Variants in DCC observed in about 807,000 individuals in gnomAD.
The protein encoded by DCC is DCC netrin 1 receptor.
Under a neutral mutation model 172.5 loss-of-function variants are expected in DCC, and 58 were observed. The ratio of observed to expected loss-of-function variants is 0.34; its 90% confidence interval spans 0.27 to 0.42. The LOEUF (loss-of-function observed/expected upper bound fraction) is 0.42. DCC is among the 10% of genes least tolerant of loss of function. The pLI, the probability that DCC is intolerant of heterozygous loss-of-function variation, is 1.00. For synonymous variants in DCC, 709 were observed against 644.5 expected (o/e 1.10, Z -1.52); for missense variants, 1,740 against 1,791.0 (o/e 0.97, Z 0.51).
intron 7 of DCC, among the ~76,000 whole-genome samples, chr18:53,101,105 T>C (rs2144217899): frequency 6.6e-6 from 1 of 152,224 alleles, no homozygotes; most frequent in Non-Finnish European, 1.5e-5. Flanking sequence ...ATGTGAGATA[T>C]AGCATAACAA....
chr18:52,778,364 A>G (rs2037472108), intron 2 of DCC, among the ~76,000 whole-genome samples: 1 of 152,116 alleles, frequency 6.6e-6, no homozygotes, highest in Non-Finnish European at 1.5e-5. Flanking sequence ...TAATAAATAG[A>G]ATTTTTTAAT....
chr18:53,281,933 G>A (rs904414038), intron 12 of DCC, among the ~76,000 whole-genome samples: 6 of 152,094 alleles, frequency 3.9e-5, no homozygotes, highest in African/African-American at 1.4e-4. Flanking sequence ...TAAAGTGAGA[G>A]ATCTTGGAGA....
intron 1 of DCC, among the ~76,000 whole-genome samples, chr18:52,689,293 T>G (rs1340305458): frequency 6.6e-6 from 1 of 152,152 alleles, no homozygotes; most frequent in Non-Finnish European, 1.5e-5. Flanking sequence ...AGCAGTAGGT[T>G]ATTGAAAGCA....
intron 2 of DCC, among the ~76,000 whole-genome samples, chr18:52,888,526 A>G (rs953000753): frequency 1.3e-5 from 2 of 152,168 alleles, no homozygotes; most frequent in Non-Finnish European, 2.9e-5. Context: ...AACCCAAGTC[A>G]GCTTATTTCT....
chr18:53,125,471 C>A (rs1461856924), intron 7 of DCC, among the ~76,000 whole-genome samples: 8 of 151,998 alleles, frequency 5.3e-5, no homozygotes, highest in Non-Finnish European at 1.2e-4. Flanking sequence ...TATTCCCATC[C>A]CCTGAAATTG....
intron 1 of DCC, among the ~76,000 whole-genome samples, chr18:52,584,712 T>G (rs1467022078): frequency 3.3e-5 from 5 of 151,996 alleles, no homozygotes. Context: ...GATAATTTTT[T>G]TTTTTTTTGG....
chr18:53,278,394 A>G (rs555220324), intron 12 of DCC, among the ~76,000 whole-genome samples: 4 of 152,226 alleles, frequency 2.6e-5, no homozygotes, highest in East Asian at 3.9e-4. Flanking sequence ...GATGTGGGAA[A>G]TGTGAACTTG....
At chr18:53,351,383 A>ATATATATATACT (rs1375836693) in intron 15 of DCC, among the ~76,000 whole-genome samples, 2 of 35,090 alleles carry the variant, frequency 5.7e-5, no homozygotes, top group African/African-American at 2.1e-4. Flanking sequence ...ATATATATAC[A>ATATATATATACT]GTATATATAT....
chr18:52,918,883 G>A (rs1262523708), intron 3 of DCC, among the ~76,000 whole-genome samples: 1 of 152,072 alleles, frequency 6.6e-6, no homozygotes, highest in African/African-American at 2.4e-5. Flanking sequence ...TCATTTTTAT[G>A]TATATATTTC....
At chr18:53,062,196 C>A (rs1048188670) in intron 5 of DCC, among the ~76,000 whole-genome samples, 13 of 151,856 alleles carry the variant, frequency 8.6e-5, no homozygotes, top group Non-Finnish European at 1.9e-4. Context: ...GACTTAAATC[C>A]TGAGAGTTTT....
At chr18:52,354,338 T>C (rs1300244927) in intron 1 of DCC, among the ~76,000 whole-genome samples, 1 of 152,138 alleles carries the variant, frequency 6.6e-6, no homozygotes, top group Non-Finnish European at 1.5e-5. Context: ...GTTAGTCCTA[T>C]GAGGAAACAA....
intron 2 of DCC, among the ~76,000 whole-genome samples, chr18:52,757,813 A>AG (rs2037099355): frequency 6.6e-6 from 1 of 152,178 alleles, no homozygotes; most frequent in Non-Finnish European, 1.5e-5. Context: ...TTAAGTACCC[A>AG]AATTGACAGG....
At chr18:52,392,879 C>T (rs1385179271) in intron 1 of DCC, among the ~76,000 whole-genome samples, 4 of 152,024 alleles carry the variant, frequency 2.6e-5, no homozygotes, top group African/African-American at 4.8e-5. Context: ...CAATAGCATC[C>T]TGTTTCTGGC....
chr18:52,666,009 G>A (rs1648059325), intron 1 of DCC, among the ~76,000 whole-genome samples: 1 of 152,210 alleles, frequency 6.6e-6, no homozygotes, highest in South Asian at 2.1e-4. Context: ...AGGAAAGTAA[G>A]AAATTCGGCC....
intron 12 of DCC, among the ~76,000 whole-genome samples, chr18:53,217,747 G>A (rs1192597572): frequency 3.3e-5 from 5 of 152,056 alleles, no homozygotes; most frequent in African/African-American, 4.8e-5. Context: ...ACCCCTGACT[G>A]TGACCATTTC....
intron 1 of DCC, among the ~76,000 whole-genome samples, chr18:52,370,400 C>T (rs1239916549): frequency 1.3e-5 from 2 of 152,080 alleles, no homozygotes; most frequent in Non-Finnish European, 2.9e-5. Context: ...GGAACAAGAT[C>T]ATGTCTTTTT....
At chr18:52,664,577 T>G (rs557698626) in intron 1 of DCC, among the ~76,000 whole-genome samples, 8 of 149,462 alleles carry the variant, frequency 5.4e-5, no homozygotes, top group African/African-American at 2.0e-4. Flanking sequence ...TTCACGCCAT[T>G]CTCCTGCCTC....
At chr18:52,923,273 C>A (rs2040152186) in intron 3 of DCC, among the ~76,000 whole-genome samples, 1 of 152,068 alleles carries the variant, frequency 6.6e-6, no homozygotes, top group Non-Finnish European at 1.5e-5. Flanking sequence ...ATGTCAAATT[C>A]TAATATATTT....
intron 1 of DCC, among the ~76,000 whole-genome samples, chr18:52,436,419 A>T (rs978743781): frequency 1.3e-5 from 2 of 152,172 alleles, no homozygotes; most frequent in African/African-American, 4.8e-5. Context: ...GACGCTCTCC[A>T]TTCTTGCCAC....
Sources: gnomAD v4.1 joint callset for allele counts (sites outside exome capture counted in the v4.1 genomes callset) on GRCh38, gnomAD v4.1.1 for gene constraint, MANE v1.5 for transcripts, NCBI Gene and HGNC (gene_info 2026-07-23, HGNC 2026-07-21) for gene names.